Variants in DGKH observed in about 807,000 individuals in gnomAD.
The protein encoded by DGKH is diacylglycerol kinase eta.
A neutral mutation model predicts 159.3 loss-of-function variants in DGKH; 90 were observed. That is an observed-to-expected ratio of 0.57 (90% CI 0.48 to 0.67). The LOEUF (loss-of-function observed/expected upper bound fraction) is 0.67, where lower values mean the gene tolerates loss of function less well. Ranked by LOEUF, DGKH falls within the 30% of genes least tolerant of loss-of-function variation. The probability of loss-of-function intolerance (pLI) is 0.00; values close to 1 mark genes in which losing one functional copy is unlikely to be tolerated. For missense variants in DGKH, 1,181 were observed against 1,506.1 expected, an observed-to-expected ratio of 0.78 and a Z score of 3.57; for synonymous variants, 536 against 553.8, an observed-to-expected ratio of 0.97 and a Z score of 0.45.
intron 26 of DGKH, among the ~76,000 whole-genome samples, chr13:42,218,460 G>A (rs1251422422): frequency 7.0e-6 from 1 of 142,766 alleles, no homozygotes; most frequent in African/African-American, 2.6e-5. Flanking sequence ...TATATGACAA[G>A]TTTTTAACCA....
chr13:42,128,586 A>G (rs916729992), intron 2 of DGKH, among the ~76,000 whole-genome samples: 1 of 152,086 alleles, frequency 6.6e-6, no homozygotes, highest in Admixed American at 6.6e-5. Flanking sequence ...TGCACTTGAC[A>G]AAGTTCCCTG....
Position 42,040,161 on chromosome 13 carries a change from C to G in DGKH, c.-13+35C>G, listed in dbSNP as rs998294844. 5 of 152,436 alleles carry G rather than the reference C, an allele frequency of 3.3e-5. No individual in the cohort carries two copies. The South Asian group carries it at 1.0e-3, about 32-fold the overall frequency. The allele number at this position is 152,436 out of a possible 1,614,324, so 9.4% of individuals were successfully genotyped here. ...CAGTGGGATTTCGCTCAAGCCTCAG[C>G]ACCCCCAGGAGGGGAGGCGCCTGCA... On this transcript the variant is annotated intron_variant, in intron 1 of 29. Coordinates refer to the DGKH transcript ENST00000379274.
Position 42,053,878 on chromosome 13 carries a change from C to T in DGKH, c.192+4913C>T, listed in dbSNP as rs541539090. 5.9e-5 allele frequency among the ~76,000 whole-genome samples: 9 copies of T among 152,128 alleles called. No individual in the cohort carries two copies. The East Asian group carries it at 1.5e-3, about 26-fold the overall frequency. Reference sequence around the variant, plus strand: ...CTTGTGATCCACCTGCCTTGGCCTCCCAAAGTGCTGGGATTACAGGCGTGA... The same window carrying T: ...CTTGTGATCCACCTGCCTTGGCCTCTCAAAGTGCTGGGATTACAGGCGTGA... On this transcript the variant is annotated intron_variant, in intron 1 of 29. Transcript: ENST00000337343.
intron 3 of DGKH, among the ~76,000 whole-genome samples, chr13:42,142,151 G>A (rs943081965): frequency 6.6e-6 from 1 of 152,090 alleles, no homozygotes; most frequent in Non-Finnish European, 1.5e-5. Context: ...ATTAAATAGG[G>A]AATCGTTTCC....
In DGKH at chr13:42,199,893, A is replaced by C; in HGVS notation, c.2477A>C (p.Gln826Pro). ...CAGAGATCGTACAAGAATTTAGAAC[A>C]AAGGGTTCAACTTGAGGTAAGTTCA... The part of the protein sequence containing the change: ...LLQRSYKNLE[Q>P]RVQLECDGQY... Residue 826 changes from glutamine to proline, a missense_variant, in exon 20 of 30, where the codon CAA becomes CCA. Coordinates refer to ENST00000337343, the MANE Select transcript of DGKH (RefSeq NM_178009.5). 6.2e-7 allele frequency: 1 copy of C among 1,611,472 alleles called. No homozygotes were observed. Among genetic ancestry groups the C allele is most frequent in the Non-Finnish European group, 8.5e-7 (1 of 1,178,910 alleles).
chr13:42,120,679 T>G (rs1439935772), intron 1 of DGKH, among the ~76,000 whole-genome samples: 1 of 152,178 alleles, frequency 6.6e-6, no homozygotes, highest in Non-Finnish European at 1.5e-5. Context: ...ACCAAAAAAC[T>G]AATCCAATTA....
intron 1 of DGKH, among the ~76,000 whole-genome samples, chr13:42,040,875 C>G (rs1455236749): frequency 6.8e-6 from 1 of 147,148 alleles, no homozygotes; most frequent in Non-Finnish European, 1.5e-5. Flanking sequence ...CGGGCGCGGG[C>G]TGGCGCGATG....
At chr13:42,191,198 G>T (rs12854774) in intron 16 of DGKH, among the ~76,000 whole-genome samples, 18,141 of 152,072 alleles carry the variant, frequency 0.12, 1,538 homozygotes, top group East Asian at 0.4. Context: ...AGTTTCTAAC[G>T]TACTGGAATA....
intron 3 of DGKH, among the ~76,000 whole-genome samples, chr13:42,143,192 G>A (rs1955618583): frequency 6.6e-6 from 1 of 152,104 alleles, no homozygotes; most frequent in Admixed American, 6.6e-5. Context: ...TTATATGCTG[G>A]ATTATGTTTA....
At chr13:42,201,401 T>C (rs1215720130) in intron 20 of DGKH, among the ~76,000 whole-genome samples, 2 of 152,268 alleles carry the variant, frequency 1.3e-5, no homozygotes, top group South Asian at 2.1e-4. Flanking sequence ...GTGATCACTT[T>C]AGCACAATTT....
rs542680491 is a variant in DGKH at position 42,092,134 on chromosome 13, A to G, written c.193-35329A>G. ...AGGGGAACCCTTACACAATATTGGT[A>G]GGAATAGAAAGTAGTAAAGTAGTGC... On this transcript the variant is annotated intron_variant, in intron 1 of 29. Transcript: ENST00000337343. Among the ~76,000 whole-genome samples the G allele has an allele frequency of 5.3e-5, 8 of 152,344 alleles. No homozygotes were observed. In the East Asian group the frequency reaches 1.5e-3, roughly 29 times the overall value.
chr13:42,159,380 G>C lies in DGKH; in HGVS notation c.729+8G>C, dbSNP rs1956122951. The stretch of plus-strand genomic sequence containing the variant: ...ATAGAAGATGAAGATGGCGTAAGCT[G>C]CTGCTCTGTCTCTGCTCTCTTCCCA... On this transcript the variant is annotated splice_region_variant and intron_variant, in intron 6 of 29. Transcript: ENST00000337343. 7 of 1,580,384 alleles carry C rather than the reference G, an allele frequency of 4.4e-6. No homozygotes were observed. In the East Asian group the frequency reaches 1.6e-4, roughly 35 times the overall value.
chr13:42,197,721 A>G (rs1272310514), intron 17 of DGKH, among the ~76,000 whole-genome samples: 1 of 152,158 alleles, frequency 6.6e-6, no homozygotes, highest in African/African-American at 2.4e-5. Flanking sequence ...AAAAAAAAAT[A>G]AAATAAAAAG....
At chr13:42,152,037 G>A (rs1566135376) in intron 3 of DGKH, among the ~76,000 whole-genome samples, 1 of 152,124 alleles carries the variant, frequency 6.6e-6, no homozygotes. Context: ...GATGAGTGAT[G>A]TTGAGCATTT....
chr13:42,095,164 T>TTTTTTTTTTTTG, intron 1 of DGKH, among the ~76,000 whole-genome samples: 1 of 134,846 alleles, frequency 7.4e-6, no homozygotes, highest in African/African-American at 2.8e-5. Context: ...TCCTTTTTTT[T>TTTTTTTTTTTTG]TTTTTTTTTT....
At chr13:42,047,670 G>A (rs1880888051), upstream of DGKH, among the ~76,000 whole-genome samples, 1 of 152,204 alleles carries the variant, frequency 6.6e-6, no homozygotes, top group African/African-American at 2.4e-5. Flanking sequence ...CAGCCAGCTT[G>A]CAGGGGAGTT....
rs1958233801 is a variant in DGKH, at chr13:42,229,470, C to T, written c.*282C>T. ...AGGTAGGAGGAATCTGAGACGATTGCATTGTCTAAACAGTGGAATTGCAAA... is the reference window on the plus strand; with the variant it reads ...AGGTAGGAGGAATCTGAGACGATTGTATTGTCTAAACAGTGGAATTGCAAA... On this transcript the variant is annotated 3_prime_UTR_variant, in exon 30 of 30. Transcript: ENST00000337343. 3.1e-6 allele frequency: 1 copy of T among 319,736 alleles called. No individual in the cohort carries two copies. Among genetic ancestry groups the T allele is most frequent in the African/African-American group, 2.2e-5 (1 of 44,464 alleles). The allele number at this position is 319,736 out of a possible 1,614,324, so 19.8% of individuals were successfully genotyped here.
chr13:42,136,664 T>G (rs1955407913), intron 3 of DGKH, among the ~76,000 whole-genome samples: 1 of 152,246 alleles, frequency 6.6e-6, no homozygotes, highest in Non-Finnish European at 1.5e-5. Flanking sequence ...GGTAATTTAA[T>G]TCATTTATTT....
intron 12 of DGKH, among the ~76,000 whole-genome samples, chr13:42,177,473 G>T (rs1406692694): frequency 6.6e-6 from 1 of 152,080 alleles, no homozygotes; most frequent in Non-Finnish European, 1.5e-5. Flanking sequence ...CATGTCTTTT[G>T]GTGAACACAA....
Sources: gnomAD v4.1 joint callset for allele counts (sites outside exome capture counted in the v4.1 genomes callset) on GRCh38, gnomAD v4.1.1 for gene constraint, MANE v1.5 for transcripts, NCBI Gene and HGNC (gene_info 2026-07-23, HGNC 2026-07-21) for gene names.